The following ARID1B variants were observed in gnomAD, a reference collection of about 807,000 sequenced individuals.
ARID1B encodes AT-rich interaction domain 1B.
A neutral mutation model predicts 212.3 loss-of-function variants in ARID1B; 30 were observed. That is an observed-to-expected ratio of 0.14 (90% CI 0.11 to 0.19). The LOEUF (loss-of-function observed/expected upper bound fraction) is 0.19, where lower values mean the gene tolerates loss of function less well. Ranked by LOEUF, ARID1B falls within the 10% of genes least tolerant of loss-of-function variation. The probability of loss-of-function intolerance (pLI) is 1.00; values close to 1 mark genes in which losing one functional copy is unlikely to be tolerated. For missense variants in ARID1B, 2,891 were observed against 3,204.0 expected, an observed-to-expected ratio of 0.90 and a Z score of 2.36; for synonymous variants, 1,402 against 1,301.7, an observed-to-expected ratio of 1.08 and a Z score of -1.66.
intron 4 of ARID1B, among the ~76,000 whole-genome samples, chr6:156,989,212 T>G (rs988098175): frequency 5.3e-5 from 8 of 152,206 alleles, no homozygotes; most frequent in Non-Finnish European, 7.3e-5. Context: ...CCCCTCTAAG[T>G]CAGGTCAGCC....
intron 4 of ARID1B, among the ~76,000 whole-genome samples, chr6:156,957,924 T>C (rs1329045660): frequency 6.6e-6 from 1 of 152,212 alleles, no homozygotes; most frequent in Non-Finnish European, 1.5e-5. Flanking sequence ...TGCTAGGGAA[T>C]CTGTTATGTG....
intron 1 of ARID1B, among the ~76,000 whole-genome samples, chr6:156,784,091 A>G (rs572583858): frequency 2.0e-5 from 3 of 152,088 alleles, no homozygotes; most frequent in East Asian, 1.9e-4. Context: ...GACATTTTAC[A>G]CTGCTGTTAT....
intron 1 of ARID1B, among the ~76,000 whole-genome samples, chr6:156,827,534 G>T (rs1166403041): frequency 2.6e-5 from 4 of 152,204 alleles, no homozygotes; most frequent in Admixed American, 2.0e-4. Flanking sequence ...TGAGCCTGTA[G>T]AATGCCCTGC....
At chr6:156,949,057 G>A (rs890666698) in intron 4 of ARID1B, among the ~76,000 whole-genome samples, 1 of 152,192 alleles carries the variant, frequency 6.6e-6, no homozygotes, top group African/African-American at 2.4e-5. Flanking sequence ...CGTCTTATCA[G>A]TGCTGGTGAT....
At chr6:156,935,604 A>G (rs760254780) in intron 4 of ARID1B, 28 bp downstream of exon 4, 3 of 1,554,114 alleles carry the variant, frequency 1.9e-6, no homozygotes, top group South Asian at 1.1e-5. Context: ...TGATTTGGAA[A>G]TGTAATGAGT....
chr6:157,204,809 A>G (rs1472548090), intron 19 of ARID1B: 1 of 152,242 alleles, frequency 6.6e-6, no homozygotes, highest in African/African-American at 2.4e-5. Flanking sequence ...CATTTTCCCT[A>G]TAGTATACAA....
intron 4 of ARID1B, among the ~76,000 whole-genome samples, chr6:156,996,229 G>A (rs760007859): frequency 3.9e-5 from 6 of 152,124 alleles, no homozygotes; most frequent in Admixed American, 2.6e-4. Context: ...GCAGGTGTTC[G>A]CAAAAACTGT....
rs896327633 is a variant in ARID1B at position 157,201,910 on chromosome 6, A to C, written c.5263+422A>C. Among the ~76,000 whole-genome samples, 2 of 152,226 alleles carry C rather than the reference A, an allele frequency of 1.3e-5. No homozygotes were observed. The highest frequency in any genetic ancestry group is 2.9e-5 in the Non-Finnish European group (2 of 68,044). On this transcript the variant is annotated intron_variant, in intron 18 of 19. Coordinates refer to ENST00000636930, the MANE Select transcript of ARID1B (RefSeq NM_001374828.1). This position sits in a 1 kb window ranked among gnomAD's most constrained non-coding sequence, Gnocchi z 5.2. Reference sequence around the variant, plus strand: ...TGGGCTTAAAGATTTGAACTTAACCAAGCCACTTAATCACTACAATACGTG... The same window carrying C: ...TGGGCTTAAAGATTTGAACTTAACCCAGCCACTTAATCACTACAATACGTG...
intron 3 of ARID1B, among the ~76,000 whole-genome samples, chr6:156,931,190 C>CAAA (rs11309121): frequency 4.4e-5 from 4 of 90,148 alleles, no homozygotes; most frequent in Non-Finnish European, 4.7e-5. Flanking sequence ...GACTCAGTCT[C>CAAA]AAAAAAAAAA....
Position 157,094,941 on chromosome 6 carries a change from A to G in ARID1B, c.2491+10036A>G, listed in dbSNP as rs1481471847. Among the ~76,000 whole-genome samples, 2 of 152,160 alleles carry G rather than the reference A, an allele frequency of 1.3e-5. No individual in the cohort carries two copies. The highest frequency in any genetic ancestry group is 2.4e-5 in the African/African-American group (1 of 41,432). On this transcript the variant is annotated intron_variant, in intron 5 of 19. Transcript: ENST00000636930. This position sits in a 1 kb window ranked among gnomAD's most constrained non-coding sequence, Gnocchi z 4.3. ...CAGAGGAACACGTTTTTGAAGGGGA[A>G]TCGAGAGTTTGGTTTTAAACATACT...
chr6:157,144,658 G>A lies in ARID1B; in HGVS notation c.2762-3966G>A, dbSNP rs533444159. Among the ~76,000 whole-genome samples, 331 of 148,154 alleles carry A rather than the reference G, an allele frequency of 2.2e-3. 3 individuals carry two copies. The highest frequency in any genetic ancestry group is 8.2e-3 in the African/African-American group (318 of 38,668). ...CTCACAGGGAAAAGTCGTGAGGACTGGGACTCTGGGTAAGCGTGGGAAGAG... is the reference window on the plus strand; with the variant it reads ...CTCACAGGGAAAAGTCGTGAGGACTAGGACTCTGGGTAAGCGTGGGAAGAG... On this transcript the variant is annotated intron_variant, in intron 7 of 19. Coordinates refer to ENST00000636930, the MANE Select transcript of ARID1B (RefSeq NM_001374828.1).
rs138149494 is a variant in ARID1B at position 157,206,539 on chromosome 6, G to T, written c.5767G>T (p.Val1923Phe). ...KIVKKNNLFV[V>F]DRSDKLGRVQ... ...AGTCAAAAAGAACAACCTGTTTGTT[G>T]TTGACCGATCTGACAAGTTGGGGCG... The change falls in exon 20 of 20, where the codon GTT becomes TTT. Residue 1923 changes from valine (V) to phenylalanine (F), a missense_variant. This residue lies in a region of ARID1B where 332 missense variants were observed against 369.2 expected (regional missense o/e 0.90). Transcript: ENST00000636930. This position sits in a 1 kb window ranked among gnomAD's most constrained non-coding sequence, Gnocchi z 6.8. The T allele has an allele frequency of 1.7e-5, 27 of 1,614,058 alleles. No homozygotes were observed. The highest frequency in any genetic ancestry group is 1.9e-5 in the Non-Finnish European group (23 of 1,180,042).
intron 4 of ARID1B, among the ~76,000 whole-genome samples, chr6:156,997,114 G>A (rs999226140): frequency 6.6e-6 from 1 of 152,188 alleles, no homozygotes; most frequent in Non-Finnish European, 1.5e-5. Context: ...ACCCGTGAAT[G>A]GATGTGGTCT....
At chr6:157,084,144 A>C (rs759256406) in intron 4 of ARID1B, among the ~76,000 whole-genome samples, 10,917 of 133,010 alleles carry the variant, frequency 0.082, 478 homozygotes, top group Admixed American at 0.12. Flanking sequence ...CCTCCCCCCC[A>C]AAAAAAAAAA....
intron 2 of ARID1B, among the ~76,000 whole-genome samples, chr6:156,849,091 G>C (rs1784414929): frequency 6.6e-6 from 1 of 152,162 alleles, no homozygotes; most frequent in Admixed American, 6.5e-5. Flanking sequence ...GGGACATTTA[G>C]TCTTCATTTT....
At chr6:157,068,587 T>C (rs751379834) in intron 4 of ARID1B, among the ~76,000 whole-genome samples, 66 of 152,252 alleles carry the variant, frequency 4.3e-4, no homozygotes, top group Admixed American at 2.0e-4. Context: ...CCTGCTCTTA[T>C]GCATACTGTG....
intron 4 of ARID1B, among the ~76,000 whole-genome samples, chr6:157,066,697 G>A (rs1357871076): frequency 2.6e-5 from 4 of 152,062 alleles, no homozygotes; most frequent in Non-Finnish European, 4.4e-5. Context: ...AGATCTGGGA[G>A]GTAATTATTG....
intron 4 of ARID1B, among the ~76,000 whole-genome samples, chr6:157,080,459 G>T (rs1348381395): frequency 6.6e-6 from 1 of 152,286 alleles, no homozygotes; most frequent in East Asian, 1.9e-4. Context: ...GAAGGATCAT[G>T]TACAATCTGT....
intron 1 of ARID1B, among the ~76,000 whole-genome samples, chr6:156,793,720 T>C (rs1029863807): frequency 6.6e-6 from 1 of 152,132 alleles, no homozygotes; most frequent in African/African-American, 2.4e-5. Context: ...TAGTCAGGAG[T>C]GACTGGCAAA....
Sources: gnomAD v4.1 joint callset for allele counts (sites outside exome capture counted in the v4.1 genomes callset) on GRCh38, gnomAD v4.1.1 for gene constraint, gnomAD v4.1.1 regional missense constraint, Gnocchi (gnomAD v3.1) non-coding constraint, MANE v1.5 for transcripts, NCBI Gene and HGNC (gene_info 2026-07-23, HGNC 2026-07-21) for gene names.